SPECC1: variants seen among roughly 807,000 people sequenced by gnomAD.
SPECC1 encodes cytospin-B.
A neutral mutation model predicts 104.1 loss-of-function variants in SPECC1; 62 were observed. That is an observed-to-expected ratio of 0.60 (90% CI 0.49 to 0.74). The LOEUF is 0.74. Among genes scored for constraint, SPECC1 ranks in the 30% least tolerant of loss-of-function variants. The pLI is 0.00. For missense variants in SPECC1, 1,306 were observed against 1,310.5 expected (o/e 1.00, Z 0.05); for synonymous variants, 513 against 501.6 (o/e 1.02, Z -0.30).
At chr17:20,039,411 T>A (rs2045230370) in intron 1 of SPECC1, among the ~76,000 whole-genome samples, 1 of 152,222 alleles carries the variant, frequency 6.6e-6, no homozygotes. Context: ...TTCTTGATCC[T>A]TTTATTCCTG....
At chr17:20,175,267 C>A (rs189298440) in intron 3 of SPECC1, among the ~76,000 whole-genome samples, 1 of 152,218 alleles carries the variant, frequency 6.6e-6, no homozygotes, top group Non-Finnish European at 1.5e-5. Context: ...TGCCCTAAGC[C>A]AGCACAGCAC....
chr17:20,261,290 C>G (rs1186350657), intron 12 of SPECC1, among the ~76,000 whole-genome samples: 1 of 152,040 alleles, frequency 6.6e-6, no homozygotes, highest in Non-Finnish European at 1.5e-5. Flanking sequence ...ATCACGAGGT[C>G]AGGAGATCGA....
At position 20,260,219 on chromosome 17, in the gene SPECC1, C is replaced by G. The variant is rs776121229; in HGVS notation, c.2865C>G (p.Ala955=). The G allele has an allele frequency of 6.2e-6, 10 of 1,613,732 alleles. No homozygotes were observed. The East Asian group carries it at 1.8e-4, about 29-fold the overall frequency. The change falls in exon 12 of 15, where the codon GCC becomes GCG. Residue 955 remains alanine (A), a synonymous_variant. Transcript: ENST00000395527. ...TGGAAAGAAAAGACCCTCTGGCAGC[C>G]TTGGCCCGGGAATACGGTGGTTCCA... The part of the protein sequence containing the change: ...LSVERKDPLA[A]LAREYGGSKR...
In SPECC1 at chr17:20,314,453, A is replaced by C; in HGVS notation, c.*388A>C. 1 of 301,854 alleles carries C rather than the reference A, an allele frequency of 3.3e-6. No homozygotes were observed. The highest frequency in any genetic ancestry group is 6.4e-6 in the Non-Finnish European group (1 of 156,232). 18.7% of individuals were successfully genotyped at this position (301,854 alleles called of 1,614,324 possible). A position where few individuals can be genotyped will look rare whatever the true frequency, so the allele number is the denominator to read the frequency against. On this transcript the variant is annotated 3_prime_UTR_variant, in exon 15 of 15. Transcript: ENST00000395527. ...AATCAGTCTTTTGGTTGCTGTTGTTAAAAATATCCCGGCTTTGCCTTTATG... is the reference window on the plus strand; with the variant it reads ...AATCAGTCTTTTGGTTGCTGTTGTTCAAAATATCCCGGCTTTGCCTTTATG...
At chr17:20,084,744 G>C (rs994536765) in intron 1 of SPECC1, among the ~76,000 whole-genome samples, 16 of 152,054 alleles carry the variant, frequency 1.1e-4, no homozygotes, top group African/African-American at 3.9e-4. Context: ...TCTTCTAGAG[G>C]TTTTCTAGTT....
At chr17:20,297,130 A>G (rs1215632410) in intron 13 of SPECC1, 53 bp downstream of exon 13, 2 of 1,512,780 alleles carry the variant, frequency 1.3e-6, no homozygotes, top group East Asian at 4.6e-5. Context: ...CAGGAGTCCT[A>G]ATTGATAAAC....
intron 3 of SPECC1, among the ~76,000 whole-genome samples, chr17:20,157,078 A>G (rs2032643868): frequency 6.6e-6 from 1 of 152,036 alleles, no homozygotes; most frequent in South Asian, 2.1e-4. Context: ...TTTAATTTGA[A>G]TGAGGACTTT....
At chr17:20,263,579 G>A (rs1173879561) in intron 12 of SPECC1, among the ~76,000 whole-genome samples, 1 of 151,288 alleles carries the variant, frequency 6.6e-6, no homozygotes, top group African/African-American at 2.4e-5. Context: ...AAAAGAATAA[G>A]AAGTCAGAGG....
At chr17:20,213,256 C>A (rs942487404) in intron 4 of SPECC1, among the ~76,000 whole-genome samples, 1 of 152,058 alleles carries the variant, frequency 6.6e-6, no homozygotes. Context: ...CAACACTATG[C>A]CCAATTTTTT....
chr17:20,111,755 GA>G, intron 3 of SPECC1: 7 of 658,048 alleles, frequency 1.1e-5, no homozygotes, highest in East Asian at 2.9e-5. Flanking sequence ...GGCGGAAGGA[GA>G]AAAAGGTGGG....
chr17:20,274,442 A>G (rs905261278), intron 12 of SPECC1, among the ~76,000 whole-genome samples: 3 of 147,944 alleles, frequency 2.0e-5, no homozygotes, highest in Admixed American at 1.3e-4. Context: ...ATTTGATTAT[A>G]CTTGTTGGTT....
intron 3 of SPECC1, among the ~76,000 whole-genome samples, chr17:20,184,711 A>G (rs887788182): frequency 6.6e-6 from 1 of 152,364 alleles, no homozygotes; most frequent in African/African-American, 2.4e-5. Flanking sequence ...TAGAAGTTCT[A>G]CATGAGAGTT....
intron 1 of SPECC1, among the ~76,000 whole-genome samples, chr17:20,035,859 G>T (rs1406743632): frequency 1.3e-5 from 2 of 151,902 alleles, no homozygotes; most frequent in Non-Finnish European, 2.9e-5. Flanking sequence ...TTGAGACGGA[G>T]TCTCGTTCTC....
Position 20,146,575 on chromosome 17 carries a change from C to T in SPECC1, c.283+36013C>T, listed in dbSNP as rs2031481158. 2.0e-5 allele frequency among the ~76,000 whole-genome samples: 3 copies of T among 152,130 alleles called. No individual in the cohort carries two copies. The East Asian group carries it at 5.8e-4, about 29-fold the overall frequency. On this transcript the variant is annotated intron_variant, in intron 3 of 14. Coordinates refer to ENST00000395527, the MANE Select transcript of SPECC1 (RefSeq NM_001243439.2). ...TCATTTGGGTAGATATCAAGAAGCT[C>T]AACTGCTGGATCTTATGATAAGAAT...
chr17:20,122,956 T>C (rs1054169807), intron 3 of SPECC1, among the ~76,000 whole-genome samples: 4 of 152,216 alleles, frequency 2.6e-5, no homozygotes, highest in Non-Finnish European at 2.9e-5. Flanking sequence ...TGTACAGATA[T>C]CTCCTTGAGA....
intron 1 of SPECC1, among the ~76,000 whole-genome samples, chr17:20,076,356 TG>T (rs2046759639): frequency 6.6e-6 from 1 of 152,112 alleles, no homozygotes; most frequent in African/African-American, 2.4e-5. Flanking sequence ...TGTGCCAACA[TG>T]CCCAGCTAAG....
At chr17:20,289,987 G>A (rs2041107791) in intron 12 of SPECC1, among the ~76,000 whole-genome samples, 1 of 152,026 alleles carries the variant, frequency 6.6e-6, no homozygotes, top group Admixed American at 6.6e-5. Context: ...ACTAGATTTG[G>A]ACTTTTATAA....
intron 12 of SPECC1, among the ~76,000 whole-genome samples, chr17:20,282,897 G>A (rs1318981416): frequency 6.6e-6 from 1 of 152,196 alleles, no homozygotes; most frequent in Non-Finnish European, 1.5e-5. Flanking sequence ...ATAATTGGCT[G>A]GGTGCGTGCA....
At chr17:20,094,392 A>G (rs528141417) in intron 1 of SPECC1, among the ~76,000 whole-genome samples, 8 of 152,276 alleles carry the variant, frequency 5.3e-5, no homozygotes, top group East Asian at 1.9e-4. Flanking sequence ...AGATTAAGAG[A>G]GAAGTTTAGA....
Sources: gnomAD v4.1 joint callset for allele counts (sites outside exome capture counted in the v4.1 genomes callset) on GRCh38, gnomAD v4.1.1 for gene constraint, MANE v1.5 for transcripts, NCBI Gene and HGNC (gene_info 2026-07-23, HGNC 2026-07-21) for gene names.